ULK4: variants seen among roughly 807,000 people sequenced by gnomAD.
The protein encoded by ULK4 is unc-51 like kinase 4, also known as inactive serine/threonine-protein kinase ULK4.
A neutral mutation model predicts 160.6 loss-of-function variants in ULK4; 133 were observed. The ratio of observed to expected loss-of-function variants is 0.83; its 90% CI spans 0.72 to 0.96. ULK4 has a LOEUF of 0.96. Among genes scored for constraint, ULK4 ranks in the 40% least tolerant of loss-of-function variants. The pLI is 0.00. For missense variants in ULK4, 1,580 were observed against 1,499.5 expected (o/e 1.05, Z -0.89); for synonymous variants, 534 against 539.8 (o/e 0.99, Z 0.15).
At chr3:41,272,844 A>G (rs896888405) in intron 35 of ULK4, among the ~76,000 whole-genome samples, 3 of 152,152 alleles carry the variant, frequency 2.0e-5, no homozygotes, top group African/African-American at 7.2e-5. Flanking sequence ...TTCTTCTGCA[A>G]TATCTAATCT....
intron 35 of ULK4, among the ~76,000 whole-genome samples, chr3:41,297,047 C>T (rs1346936590): frequency 1.3e-5 from 2 of 152,134 alleles, no homozygotes; most frequent in African/African-American, 2.4e-5. Context: ...CAAATTGAGC[C>T]TGAAACAGTA....
chr3:41,949,803 C>T (rs893445524), intron 2 of ULK4, among the ~76,000 whole-genome samples: 1 of 149,484 alleles, frequency 6.7e-6, no homozygotes, highest in Non-Finnish European at 1.5e-5. Flanking sequence ...GTGGCATGAT[C>T]GCGGCTCACT....
intron 32 of ULK4, among the ~76,000 whole-genome samples, chr3:41,473,499 T>C (rs952634168): frequency 7.3e-5 from 11 of 151,508 alleles, no homozygotes; most frequent in African/African-American, 2.7e-4. Context: ...CCATTTCTAC[T>C]AAAAATACAA....
chr3:41,622,425 A>C (rs1467899957), intron 30 of ULK4, among the ~76,000 whole-genome samples: 1 of 152,204 alleles, frequency 6.6e-6, no homozygotes, highest in Non-Finnish European at 1.5e-5. Context: ...CAGCCATGAA[A>C]AGTAGGAGTT....
At chr3:41,693,167 G>T (rs2036368670) in intron 27 of ULK4, among the ~76,000 whole-genome samples, 1 of 152,112 alleles carries the variant, frequency 6.6e-6, no homozygotes, top group Non-Finnish European at 1.5e-5. Context: ...GCCACATTAG[G>T]TTGGTAACAC....
At chr3:41,941,037 T>C (rs1390587152) in intron 2 of ULK4, among the ~76,000 whole-genome samples, 1 of 91,464 alleles carries the variant, frequency 1.1e-5, no homozygotes, top group Non-Finnish European at 2.3e-5. Flanking sequence ...GTTCTTAACC[T>C]TTTTTTTTTT....
At chr3:41,412,114 G>A (rs1263146464) in intron 34 of ULK4, among the ~76,000 whole-genome samples, 2 of 151,798 alleles carry the variant, frequency 1.3e-5, no homozygotes, top group African/African-American at 4.8e-5. Flanking sequence ...AGGATTCAAG[G>A]AAAAAAACAC....
chr3:41,326,428 A>T lies in ULK4; in HGVS notation c.3678+71651T>A, dbSNP rs116611147. ...GAAAAAATGTATTAACCTTAAAGAG[A>T]GTTATATTTACATGCATATATACAT... On this transcript the variant is annotated intron_variant, in intron 35 of 36. Coordinates refer to ENST00000301831, the MANE Select transcript of ULK4 (RefSeq NM_017886.4). Among the ~76,000 whole-genome samples the T allele has an allele frequency of 8.5e-3, 1,288 of 150,702 alleles. 11 individuals carry two copies. Among genetic ancestry groups the T allele is most frequent in the African/African-American group, 0.023 (913 of 40,572 alleles).
chr3:41,671,884 C>CAAT (rs1238403437), intron 29 of ULK4, among the ~76,000 whole-genome samples: 3 of 151,894 alleles, frequency 2.0e-5, no homozygotes, highest in East Asian at 1.9e-4. Flanking sequence ...AAACCAACAA[C>CAAT]AATAATAATA....
intron 34 of ULK4, among the ~76,000 whole-genome samples, chr3:41,418,612 T>C (rs1015517376): frequency 3.3e-5 from 5 of 152,208 alleles, no homozygotes; most frequent in African/African-American, 1.2e-4. Context: ...AAAAACCTAT[T>C]CTAAAGAAAT....
chr3:41,722,148 C>T (rs912582931), intron 22 of ULK4, among the ~76,000 whole-genome samples: 3 of 152,092 alleles, frequency 2.0e-5, no homozygotes, highest in Non-Finnish European at 4.4e-5. Flanking sequence ...TCTCAGGAAA[C>T]GGTAGCTGCT....
chr3:41,407,410 A>G (rs2082316598), intron 34 of ULK4, among the ~76,000 whole-genome samples: 1 of 152,190 alleles, frequency 6.6e-6, no homozygotes, highest in Admixed American at 6.5e-5. Flanking sequence ...ACAAAAAACA[A>G]CAACAATAAC....
At chr3:41,648,027 G>T (rs563770406) in intron 30 of ULK4, among the ~76,000 whole-genome samples, 2 of 152,230 alleles carry the variant, frequency 1.3e-5, no homozygotes, top group African/African-American at 4.8e-5. Context: ...CTCGTGGTGC[G>T]CCATTTTTTA....
intron 32 of ULK4, among the ~76,000 whole-genome samples, chr3:41,549,318 A>G (rs888531619): frequency 2.0e-5 from 3 of 152,212 alleles, no homozygotes; most frequent in African/African-American, 4.8e-5. Flanking sequence ...CATGATATCA[A>G]TGAGAATTTC....
chr3:41,656,044 GT>G (rs1243675498), intron 30 of ULK4, among the ~76,000 whole-genome samples: 1 of 152,056 alleles, frequency 6.6e-6, no homozygotes, highest in Admixed American at 6.6e-5. Flanking sequence ...CACCCATGCA[GT>G]TTTTTTCTGC....
chr3:41,359,490 G>C (rs1399939547), intron 35 of ULK4, among the ~76,000 whole-genome samples: 1 of 152,194 alleles, frequency 6.6e-6, no homozygotes, highest in African/African-American at 2.4e-5. Context: ...AGAGGGTAGG[G>C]TGTCCCAGAA....
intron 32 of ULK4, among the ~76,000 whole-genome samples, chr3:41,516,546 T>A (rs1401041169): frequency 6.6e-6 from 1 of 152,110 alleles, no homozygotes; most frequent in African/African-American, 2.4e-5. Flanking sequence ...TGGATGGAAC[T>A]GAAGGTCATT....
At chr3:41,541,016 A>G (rs1444159958) in intron 32 of ULK4, among the ~76,000 whole-genome samples, 1 of 152,152 alleles carries the variant, frequency 6.6e-6, no homozygotes, top group Admixed American at 6.5e-5. Context: ...TGGTGTGTGC[A>G]GAAGCTCTTT....
At chr3:41,927,602 C>G (rs1171559904) in intron 5 of ULK4, among the ~76,000 whole-genome samples, 1 of 151,102 alleles carries the variant, frequency 6.6e-6, no homozygotes, top group Non-Finnish European at 1.5e-5. Flanking sequence ...TTCAGGAGAC[C>G]CATCTCACGT....
Sources: gnomAD v4.1 joint callset for allele counts (sites outside exome capture counted in the v4.1 genomes callset) on GRCh38, gnomAD v4.1.1 for gene constraint, MANE v1.5 for transcripts, NCBI Gene and HGNC (gene_info 2026-07-23, HGNC 2026-07-21) for gene names.